Variants in PEAK1 observed in about 807,000 individuals in gnomAD.
PEAK1 encodes the protein inactive tyrosine-protein kinase PEAK1.
In PEAK1, 54 loss-of-function variants were observed where a neutral mutation model predicts 124.7. The observed-to-expected ratio is 0.43, with a 90% confidence interval of 0.35 to 0.54. PEAK1 has a LOEUF of 0.54. PEAK1 is among the 20% of genes least tolerant of loss of function. The pLI, the probability that PEAK1 is intolerant of heterozygous loss-of-function variation, is 0.01. For synonymous variants in PEAK1, 719 were observed against 760.0 expected, an observed-to-expected ratio of 0.95 and a Z score of 0.89; for missense variants, 2,046 against 2,134.5, an observed-to-expected ratio of 0.96 and a Z score of 0.82.
At chr15:77,247,268 T>G (rs753552613) in intron 6 of PEAK1, among the ~76,000 whole-genome samples, 1 of 152,128 alleles carries the variant, frequency 6.6e-6, no homozygotes, top group Non-Finnish European at 1.5e-5. Flanking sequence ...CCTTGTCTTG[T>G]TCTCAATTTT....
chr15:77,197,712 G>A (rs1364592351), intron 6 of PEAK1, among the ~76,000 whole-genome samples: 3 of 152,016 alleles, frequency 2.0e-5, no homozygotes, highest in African/African-American at 7.3e-5. Context: ...ACCATGTTAG[G>A]GAACTAAGAA....
intron 8 of PEAK1, among the ~76,000 whole-genome samples, chr15:77,137,740 T>C (rs1373584350): frequency 6.6e-6 from 1 of 152,172 alleles, no homozygotes; most frequent in African/African-American, 2.4e-5. Flanking sequence ...TATGGACTTT[T>C]GAGTTAATGT....
chr15:77,240,748 C>A (rs16968724), intron 6 of PEAK1, among the ~76,000 whole-genome samples: 2 of 152,056 alleles, frequency 1.3e-5, no homozygotes, highest in African/African-American at 4.8e-5. Context: ...CTAAACTAAA[C>A]CTTAAGAGGG....
intron 6 of PEAK1, among the ~76,000 whole-genome samples, chr15:77,231,067 G>A (rs1040730980): frequency 1.3e-5 from 2 of 151,886 alleles, no homozygotes; most frequent in Middle Eastern, 3.4e-3. Flanking sequence ...ACTGATTTAA[G>A]CTGTCATAAA....
intron 5 of PEAK1, among the ~76,000 whole-genome samples, chr15:77,274,351 G>C (rs1168689544): frequency 6.6e-6 from 1 of 151,962 alleles, no homozygotes; most frequent in Admixed American, 6.6e-5. Flanking sequence ...CCACAGAGTG[G>C]GAGAAAATCT....
intron 7 of PEAK1, among the ~76,000 whole-genome samples, chr15:77,160,794 C>T (rs987670219): frequency 2.4e-4 from 37 of 152,286 alleles, no homozygotes; most frequent in African/African-American, 8.7e-4. Context: ...CTAATCTCTT[C>T]AGACTTACTC....
At chr15:77,144,058 T>C (rs2053995240) in intron 8 of PEAK1, among the ~76,000 whole-genome samples, 1 of 152,202 alleles carries the variant, frequency 6.6e-6, no homozygotes, top group African/African-American at 2.4e-5. Flanking sequence ...GTACCTTTTT[T>C]TCTTTTATAA....
chr15:77,197,015 T>A (rs897092168), intron 6 of PEAK1, among the ~76,000 whole-genome samples: 2 of 136,138 alleles, frequency 1.5e-5, no homozygotes, highest in African/African-American at 5.2e-5. Context: ...TATGCCTGGC[T>A]AATTTTTTTT....
rs572323967 is a variant in PEAK1, at chr15:77,180,981, T to C, written c.946A>G (p.Ile316Val). The change falls in exon 7 of 10, where the codon ATC (isoleucine) becomes GTC (valine). Residue 316 changes from isoleucine (I) to valine (V), a missense_variant. By Grantham distance (29) the Ile-to-Val change is conservative. Transcript: ENST00000682557. ...GAATTTTCCTCATAACCATTCAGGA[T>C]TTCATCATAGCTGTCATCATAGTCC... is the stretch of plus-strand genomic sequence containing the variant. ...AVDYDDSYDEILNGYEENSVV... is the reference protein window; with the variant it reads ...AVDYDDSYDEVLNGYEENSVV... The C allele has an allele frequency of 1.9e-5, 31 of 1,614,062 alleles. No homozygotes were observed. Among genetic ancestry groups the C allele is most frequent in the Non-Finnish European group, 2.5e-5 (30 of 1,180,020 alleles).
intron 1 of PEAK1, chr15:77,418,458 T>C (rs2073069002): frequency 1.0e-6 from 1 of 985,414 alleles, no homozygotes; most frequent in Non-Finnish European, 1.2e-6. Flanking sequence ...TTTCACATAG[T>C]TTGTGAGTTG....
chr15:77,354,396 T>A (rs1451594802), intron 2 of PEAK1, among the ~76,000 whole-genome samples: 4 of 152,218 alleles, frequency 2.6e-5, no homozygotes, highest in Admixed American at 6.5e-5. Context: ...TCAAGTTATC[T>A]CCTATCTGGA....
intron 1 of PEAK1, among the ~76,000 whole-genome samples, chr15:77,381,699 T>A (rs1183432084): frequency 1.3e-5 from 2 of 152,218 alleles, no homozygotes; most frequent in Non-Finnish European, 2.9e-5. Context: ...AGGAGCAATT[T>A]CAGAAGTACT....
At chr15:77,420,637 A>C (rs1410334851), upstream of PEAK1, 4 of 380,310 alleles carry the variant, frequency 1.1e-5, no homozygotes, top group East Asian at 3.7e-5. Flanking sequence ...AAAAAAAAAA[A>C]CTACATCTCC....
At chr15:77,204,879 C>CG (rs2058556946) in intron 6 of PEAK1, 1 of 170,726 alleles carries the variant, frequency 5.9e-6, no homozygotes, top group Non-Finnish European at 1.2e-5. Flanking sequence ...ACTCCAGCCC[C>CG]GGCAACAGAG....
intron 4 of PEAK1, among the ~76,000 whole-genome samples, chr15:77,284,265 A>G (rs1215876525): frequency 6.6e-6 from 1 of 152,236 alleles, no homozygotes; most frequent in Non-Finnish European, 1.5e-5. Flanking sequence ...TTCACATGGC[A>G]GGATTCAATG....
chr15:77,266,294 C>T (rs562641994), intron 5 of PEAK1, among the ~76,000 whole-genome samples: 4 of 151,416 alleles, frequency 2.6e-5, no homozygotes, highest in Non-Finnish European at 5.9e-5. Context: ...AATTTAAAAA[C>T]TAATCAAAGA....
chr15:77,226,044 G>GATATATATTATAT (rs2059630724), intron 6 of PEAK1, among the ~76,000 whole-genome samples: 2 of 44,998 alleles, frequency 4.4e-5, no homozygotes, highest in Non-Finnish European at 9.6e-5. Context: ...AAAATAAAGG[G>GATATATATTATAT]ATATATATAT....
At chr15:77,381,392 C>T in intron 1 of PEAK1, 2 of 840,248 alleles carry the variant, frequency 2.4e-6, no homozygotes, top group Non-Finnish European at 2.9e-6. Context: ...AGCCACTGCA[C>T]TTCAGTTTGG....
At chr15:77,208,002 G>A (rs2058742079) in intron 6 of PEAK1, among the ~76,000 whole-genome samples, 1 of 152,130 alleles carries the variant, frequency 6.6e-6, no homozygotes, top group South Asian at 2.1e-4. Context: ...CTGAAATAAG[G>A]GACAAGGCTC....
Sources: gnomAD v4.1 joint callset for allele counts (sites outside exome capture counted in the v4.1 genomes callset) on GRCh38, gnomAD v4.1.1 for gene constraint, MANE v1.5 for transcripts, NCBI Gene and HGNC (gene_info 2026-07-23, HGNC 2026-07-21) for gene names.